The following KIR2DL1 variants were observed in gnomAD, a reference collection of about 807,000 sequenced individuals.
The protein encoded by KIR2DL1 is killer cell immunoglobulin-like receptor 2DL1.
In KIR2DL1, 38 loss-of-function variants were observed where a neutral mutation model predicts 33.9. The ratio of observed to expected loss-of-function variants is 1.12; its 90% CI spans 0.86 to 1.47. The LOEUF (loss-of-function observed/expected upper bound fraction) is 1.47, where lower values mean the gene tolerates loss of function less well. Among genes scored for constraint, KIR2DL1 ranks in the 40% most tolerant of loss-of-function variants. KIR2DL1 has a pLI of 0.00. For synonymous variants in KIR2DL1, 179 were observed against 165.9 expected (o/e 1.08, Z -0.61); for missense variants, 531 against 433.9 (o/e 1.22, Z -1.99).
At position 54,773,391 on chromosome 19, in the gene KIR2DL1, G is replaced by C. The variant is rs1470204005; in HGVS notation, c.129G>C (p.Glu43Asp). Residue 43 changes from glutamate (E) to aspartate (D), a missense_variant, in exon 3 of 8, where the codon GAG becomes GAC. By Grantham distance (45) the Glu-to-Asp change is conservative. Coordinates refer to ENST00000336077, the MANE Select transcript of KIR2DL1 (RefSeq NM_014218.3). ...CAGGTCGCCTGGTGAAATCAGAAGA[G>C]ACAGTCATCCTGCAGTGTTGGTCAG... ...AHPGRLVKSE[E>D]TVILQCWSDV... is the part of the protein sequence containing the mutation. 7 of 1,598,116 alleles carry C rather than the reference G, an allele frequency of 4.4e-6. No individual in the cohort carries two copies. The highest frequency in any genetic ancestry group is 4.1e-5 in the African/African-American group (3 of 73,902).
In KIR2DL1 at chr19:54,779,118, A is replaced by G. The variant is rs143120885; in HGVS notation, c.715+456A>G. Among the ~76,000 whole-genome samples, 815 of 148,202 alleles carry G rather than the reference A, an allele frequency of 5.5e-3. 49 individuals are homozygous for G. The highest frequency in any genetic ancestry group is 0.046 in the Admixed American group (667 of 14,592). On this transcript the variant is annotated intron_variant, in intron 5 of 7. Transcript: ENST00000336077. Reference sequence around the variant, plus strand: ...AAAGAGCCTTGCCGTAACAGAGAACAGAGCTCATGCACGCACACTTCGACT... The same window carrying G: ...AAAGAGCCTTGCCGTAACAGAGAACGGAGCTCATGCACGCACACTTCGACT...
In KIR2DL1 at chr19:54,782,931, G is replaced by T; in HGVS notation, c.725G>T (p.Arg242Leu). The T allele has an allele frequency of 6.2e-7, 1 of 1,613,554 alleles. No individual in the cohort carries two copies. The highest frequency in any genetic ancestry group is 1.7e-5 in the Admixed American group (1 of 60,002). Reference protein sequence around the residue: ...TEPSSKTGNPRHLHILIGTSV... With the variant: ...TEPSSKTGNPLHLHILIGTSV... ...TCTCATCTTCTTCCAGGTAACCCCC[G>T]ACACCTGCACATTCTGATTGGGACC... The change falls in exon 6 of 8, where the codon CGA (arginine) becomes CTA (leucine). Residue 242 changes from arginine to leucine, a missense_variant. Coordinates refer to ENST00000336077, the MANE Select transcript of KIR2DL1 (RefSeq NM_014218.3).
chr19:54,774,410 A>C (rs1209248717), intron 3 of KIR2DL1, among the ~76,000 whole-genome samples: 4 of 148,326 alleles, frequency 2.7e-5, no homozygotes, highest in African/African-American at 9.8e-5. Context: ...CTCCTGAGGG[A>C]GAGGCACAAG....
chr19:54,782,470 CCA>C (rs1359130891), intron 5 of KIR2DL1, among the ~76,000 whole-genome samples: 1 of 152,066 alleles, frequency 6.6e-6, no homozygotes, highest in Non-Finnish European at 1.5e-5. Flanking sequence ...TGTGCAGAGA[CCA>C]CAGAGATCAC....
In KIR2DL1 at chr19:54,783,003, G is replaced by T. The variant is rs570412759; in HGVS notation, c.797G>T (p.Arg266Leu). 1.2e-5 allele frequency: 20 copies of T among 1,613,386 alleles called. No individual in the cohort carries two copies. Among genetic ancestry groups the T allele is most frequent in the Admixed American group, 6.7e-5 (4 of 60,000 alleles). Reference protein sequence around the residue: ...LFILLFFLLHRWCSNKKNAAV... With the variant: ...LFILLFFLLHLWCSNKKNAAV... ...ATCCTCCTCTTCTTTCTCCTTCATC[G>T]CTGGTGCTCCAACAAAAAAAGTAAG... The change falls in exon 6 of 8, where the codon CGC (arginine) becomes CTC (leucine). Residue 266 changes from arginine (R) to leucine (L), a missense_variant. Coordinates refer to ENST00000336077, the MANE Select transcript of KIR2DL1 (RefSeq NM_014218.3).
rs200854975 is a variant in KIR2DL1, at chr19:54,773,491, C to G, written c.229C>G (p.His77Asp). ...NDTLRLIGEH[H>D]DGVSKANFSI... Reference sequence around the variant, plus strand: ...CACTTTGCGCCTCATTGGAGAACACCATGATGGGGTCTCCAAGGCCAACTT... The same window carrying G: ...CACTTTGCGCCTCATTGGAGAACACGATGATGGGGTCTCCAAGGCCAACTT... Residue 77 changes from histidine (H) to aspartate (D), a missense_variant, in exon 3 of 8, where the codon CAT (histidine) becomes GAT (aspartate). By Grantham distance (81) the His-to-Asp change is moderately conservative. Coordinates refer to ENST00000336077, the MANE Select transcript of KIR2DL1 (RefSeq NM_014218.3). The G allele has an allele frequency of 6.9e-7, 1 of 1,442,060 alleles. No homozygotes were observed. The highest frequency in any genetic ancestry group is 9.4e-7 in the Non-Finnish European group (1 of 1,059,766). The allele number at this position is 1,442,060 out of a possible 1,614,324, so 89.3% of individuals were successfully genotyped here. A position where few individuals can be genotyped will look rare whatever the true frequency, so the allele number is the denominator to read the frequency against.
chr19:54,782,537 T>G (rs1208525714), intron 5 of KIR2DL1, among the ~76,000 whole-genome samples: 1 of 151,924 alleles, frequency 6.6e-6, no homozygotes, highest in African/African-American at 2.4e-5. Flanking sequence ...CAAGCTCTTT[T>G]TAACAACCAG....
chr19:54,783,003 G>A lies in KIR2DL1; in HGVS notation c.797G>A (p.Arg266His), dbSNP rs570412759. 1,766 of 1,613,396 alleles carry A rather than the reference G, an allele frequency of 1.1e-3. 12 individuals carry two copies. Among genetic ancestry groups the A allele is most frequent in the Non-Finnish European group, 1.1e-3 (1,272 of 1,179,784 alleles). Residue 266 changes from arginine (R) to histidine (H), a missense_variant, in exon 6 of 8, where the codon CGC (arginine) becomes CAC (histidine). Arg to His is a conservative substitution (Grantham distance 29, BLOSUM62 0). Coordinates refer to ENST00000336077, the MANE Select transcript of KIR2DL1 (RefSeq NM_014218.3). ...LFILLFFLLHRWCSNKKNAAV... is the reference protein window; with the variant it reads ...LFILLFFLLHHWCSNKKNAAV... ...ATCCTCCTCTTCTTTCTCCTTCATC[G>A]CTGGTGCTCCAACAAAAAAAGTAAG...
At chr19:54,777,089 T>G (rs1247885253) in intron 4 of KIR2DL1, among the ~76,000 whole-genome samples, 2 of 112,274 alleles carry the variant, frequency 1.8e-5, no homozygotes, top group African/African-American at 6.6e-5. Context: ...AGCCATTTTA[T>G]TTTATTTCAT....
In KIR2DL1 at chr19:54,773,321, C is replaced by T; in HGVS notation, c.71-12C>T. On this transcript the variant is annotated splice_polypyrimidine_tract_variant and intron_variant, in intron 2 of 7. Coordinates refer to ENST00000336077, the MANE Select transcript of KIR2DL1 (RefSeq NM_014218.3). ...GAGAGACACCTTCTAAACTCACAAC[C>T]TCTCTTCCTAGGAGTCCACAGAAAA... The T allele has an allele frequency of 1.9e-6, 3 of 1,593,922 alleles. No individual in the cohort carries two copies. Among genetic ancestry groups the T allele is most frequent in the African/African-American group, 1.4e-5 (1 of 73,872 alleles).
In KIR2DL1 at chr19:54,769,844, C is replaced by A; in HGVS notation, c.-7C>A. 1 of 1,569,718 alleles carries A rather than the reference C, an allele frequency of 6.4e-7. No individual in the cohort carries two copies. The highest frequency in any genetic ancestry group is 1.1e-5 in the South Asian group (1 of 89,298). ...GGTCGCGGCTGCCTGTCTGCTCCGG[C>A]AGCACCATGTCGCTCTTGGTCGTCA... is the stretch of plus-strand genomic sequence containing the variant. On this transcript the variant is annotated 5_prime_UTR_variant, in exon 1 of 8. Transcript: ENST00000336077.
rs1423709059 is a variant in KIR2DL1, at chr19:54,775,161, C to A, written c.371-4C>A. The stretch of plus-strand genomic sequence containing the variant: ...CCTGAGGAAACTGCCTCTTCTCCTT[C>A]CAGGTCTATATGAGAAACCTTCTCT... On this transcript the variant is annotated splice_region_variant and splice_polypyrimidine_tract_variant and intron_variant, in intron 3 of 7. Coordinates refer to ENST00000336077, the MANE Select transcript of KIR2DL1 (RefSeq NM_014218.3). The A allele has an allele frequency of 1.9e-6, 3 of 1,573,074 alleles. No individual in the cohort carries two copies. In the East Asian group the frequency reaches 6.7e-5, roughly 35 times the overall value.
At chr19:54,774,120 A>G (rs1361248413) in intron 3 of KIR2DL1, among the ~76,000 whole-genome samples, 1 of 148,774 alleles carries the variant, frequency 6.7e-6, no homozygotes, top group Non-Finnish European at 1.5e-5. Context: ...TAATCGTCCC[A>G]GGATATCATG....
chr19:54,773,677 G>A (rs750138928), intron 3 of KIR2DL1, 45 bp downstream of exon 3: 1 of 1,524,936 alleles, frequency 6.6e-7, no homozygotes, highest in East Asian at 2.3e-5. Flanking sequence ...GGGATGCAGA[G>A]TGAATGATCC....
At chr19:54,775,943 G>A (rs369622662) in intron 4 of KIR2DL1, among the ~76,000 whole-genome samples, 1 of 146,162 alleles carries the variant, frequency 6.8e-6, no homozygotes, top group Non-Finnish European at 1.5e-5. Context: ...CTATGATGGA[G>A]TGCAGTGGCA....
At chr19:54,770,288 A>G (rs878954685) in intron 1 of KIR2DL1, among the ~76,000 whole-genome samples, 1 of 104,458 alleles carries the variant, frequency 9.6e-6, no homozygotes, top group Non-Finnish European at 2.0e-5. Context: ...GATATGGGCC[A>G]GGAGTGGAGA....
rs868597105 is a variant in KIR2DL1, at chr19:54,772,796, G to C, written c.71-537G>C. On this transcript the variant is annotated intron_variant, in intron 2 of 7. Coordinates refer to ENST00000336077, the MANE Select transcript of KIR2DL1 (RefSeq NM_014218.3). ...GCTCAGATGATGATGCCACCACCAG[G>C]CTCCATCCACATAGGGAGGGGTTGA... Among the ~76,000 whole-genome samples, 1,088 of 144,282 alleles carry C rather than the reference G, an allele frequency of 7.5e-3. 28 individuals are homozygous for C. Among genetic ancestry groups the C allele is most frequent in the African/African-American group, 0.026 (1,040 of 39,340 alleles). 94.7% of individuals were successfully genotyped at this position (144,282 alleles called of 152,430 possible).
Position 54,769,975 on chromosome 19 carries a change from G to C in KIR2DL1, c.34+91G>C. On this transcript the variant is annotated intron_variant, in intron 1 of 7. Transcript: ENST00000336077. ...TATAGGCCTGGAGGTGGAGTTATGG[G>C]CCTGGAGTGGAGATCTGGGCCTGGA... 4 of 1,478,832 alleles carry C rather than the reference G, an allele frequency of 2.7e-6. 1 individual carries two copies. Among genetic ancestry groups the C allele is most frequent in the Non-Finnish European group, 3.7e-6 (4 of 1,072,690 alleles). 91.6% of individuals were successfully genotyped at this position (1,478,832 alleles called of 1,614,324 possible). A position where few individuals can be genotyped will look rare whatever the true frequency, so the allele number is the denominator to read the frequency against.
At chr19:54,772,515 C>T (rs1209744079) in intron 2 of KIR2DL1, among the ~76,000 whole-genome samples, 1 of 145,856 alleles carries the variant, frequency 6.9e-6, no homozygotes, top group Non-Finnish European at 1.5e-5. Flanking sequence ...GAAACCAACA[C>T]TGGAACCCAG....
Sources: allele counts gnomAD v4.1 joint callset (sites outside exome capture counted in the v4.1 genomes callset), GRCh38; gene constraint gnomAD v4.1.1; transcripts MANE v1.5; gene names NCBI Gene and HGNC (gene_info 2026-07-23, HGNC 2026-07-21).